Variants in CFAP299 observed in about 807,000 individuals in gnomAD.
CFAP299 encodes the protein cilia and flagella associated protein 299.
A neutral mutation model predicts 27.0 loss-of-function variants in CFAP299; 21 were observed. The observed-to-expected ratio is 0.78, with a 90% CI of 0.55 to 1.12. The LOEUF (loss-of-function observed/expected upper bound fraction) is 1.12. Ranked by LOEUF, CFAP299 falls within the 50% of genes most tolerant of loss-of-function variation. The pLI, the probability that CFAP299 is intolerant of heterozygous loss-of-function variation, is 0.00. For missense variants in CFAP299, 310 were observed against 276.6 expected (o/e 1.12, Z -0.86); for synonymous variants, 104 against 98.1 (o/e 1.06, Z -0.36).
At chr4:80,570,915 C>A (rs541158323) in intron 2 of CFAP299, among the ~76,000 whole-genome samples, 1 of 152,078 alleles carries the variant, frequency 6.6e-6, no homozygotes, top group African/African-American at 2.4e-5. Flanking sequence ...GTGGAACATA[C>A]TAAAGAAATA....
rs180700230 is a variant in CFAP299, at chr4:80,592,282, T to C, written c.333+9099T>C. ...ACATAACTGAGGAAGCATTTACAGA[T>C]TGTTCTGGATTTGTATATGTGCAAT... On this transcript the variant is annotated intron_variant, in intron 3 of 5. Transcript: ENST00000358105. Among the ~76,000 whole-genome samples, 12 of 152,232 alleles carry C rather than the reference T, an allele frequency of 7.9e-5. No homozygotes were observed. The East Asian group carries it at 1.7e-3, about 22-fold the overall frequency.
intron 3 of CFAP299, among the ~76,000 whole-genome samples, chr4:80,832,622 T>G (rs1429621463): frequency 6.6e-6 from 1 of 152,118 alleles, no homozygotes; most frequent in African/African-American, 2.4e-5. Context: ...TATTTAAGGT[T>G]GGTTATTTTA....
At chr4:80,537,530 G>A (rs905202896) in intron 2 of CFAP299, among the ~76,000 whole-genome samples, 1 of 152,108 alleles carries the variant, frequency 6.6e-6, no homozygotes, top group African/African-American at 2.4e-5. Context: ...CCTATCATTT[G>A]CAACAACACG....
At chr4:80,738,496 T>C (rs1314149097) in intron 3 of CFAP299, among the ~76,000 whole-genome samples, 1 of 152,086 alleles carries the variant, frequency 6.6e-6, no homozygotes, top group East Asian at 1.9e-4. Flanking sequence ...CTTCTTTGTC[T>C]CCTCTTATAG....
chr4:80,706,197 A>G (rs913261821), intron 3 of CFAP299, among the ~76,000 whole-genome samples: 1 of 151,658 alleles, frequency 6.6e-6, no homozygotes, highest in Non-Finnish European at 1.5e-5. Context: ...AAGTATACCT[A>G]CTTGCTTATA....
intron 2 of CFAP299, among the ~76,000 whole-genome samples, chr4:80,413,116 G>A (rs556356252): frequency 6.7e-6 from 1 of 149,058 alleles, no homozygotes; most frequent in East Asian, 2.0e-4. Context: ...GTATCCCAAA[G>A]CCACCTGTGC....
chr4:80,735,614 A>G (rs1172793621), intron 3 of CFAP299, among the ~76,000 whole-genome samples: 1 of 152,094 alleles, frequency 6.6e-6, no homozygotes, highest in Non-Finnish European at 1.5e-5. Context: ...TGTTCCTTCT[A>G]TATCCAGTTT....
chr4:80,570,132 T>C (rs1024418235), intron 2 of CFAP299, among the ~76,000 whole-genome samples: 1 of 152,058 alleles, frequency 6.6e-6, no homozygotes, highest in Admixed American at 6.6e-5. Context: ...TCTATGTATA[T>C]ATAAATATTT....
At position 80,775,475 on chromosome 4, in the gene CFAP299, A is replaced by G. The variant is rs1014553797; in HGVS notation, c.334-94518A>G. On this transcript the variant is annotated intron_variant, in intron 3 of 5. Coordinates refer to ENST00000358105, the MANE Select transcript of CFAP299 (RefSeq NM_152770.3). The stretch of plus-strand genomic sequence containing the variant: ...AGGTCTCTTCTATCTGTAATACACC[A>G]TATTTATTTTCTTGCTGTTTGGTTG... Among the ~76,000 whole-genome samples the G allele has an allele frequency of 3.3e-5, 5 of 152,034 alleles. No individual in the cohort carries two copies. In the East Asian group the frequency reaches 5.8e-4, roughly 18 times the overall value.
At position 80,908,375 on chromosome 4, in the gene CFAP299, T is replaced by G. The variant is rs556865571; in HGVS notation, c.477-36435T>G. On this transcript the variant is annotated intron_variant, in intron 4 of 5. Transcript: ENST00000358105. ...ATTGGATGTCCCACAGAGTTTAAAC[T>G]TTAAACATATTTTCTTCTTACTTTG... 2.0e-5 allele frequency among the ~76,000 whole-genome samples: 3 copies of G among 152,344 alleles called. No homozygotes were observed. In the East Asian group the frequency reaches 5.8e-4, roughly 29 times the overall value.
intron 3 of CFAP299, among the ~76,000 whole-genome samples, chr4:80,683,082 T>A (rs1338446095): frequency 2.0e-5 from 3 of 152,190 alleles, no homozygotes; most frequent in African/African-American, 7.2e-5. Flanking sequence ...TTCTTTCTGC[T>A]TTTCTTCTAT....
rs374799427 is a variant in CFAP299, at chr4:80,402,705, G to A, written c.242+39821G>A. Among the ~76,000 whole-genome samples, 125 of 152,280 alleles carry A rather than the reference G, an allele frequency of 8.2e-4. 3 individuals carry two copies. The South Asian group carries it at 0.025, about 31-fold the overall frequency. On this transcript the variant is annotated intron_variant, in intron 2 of 5. Coordinates refer to ENST00000358105, the MANE Select transcript of CFAP299 (RefSeq NM_152770.3). ...GTAGGATGAAGACTCTAGCTTTCTGGTATCAGAGCAAACTGCTCTGGATTT... is the reference window on the plus strand; with the variant it reads ...GTAGGATGAAGACTCTAGCTTTCTGATATCAGAGCAAACTGCTCTGGATTT...
intron 1 of CFAP299, among the ~76,000 whole-genome samples, chr4:80,343,284 A>G (rs1044889036): frequency 6.6e-6 from 1 of 152,316 alleles, no homozygotes; most frequent in South Asian, 2.1e-4. Flanking sequence ...GAAAATTAAC[A>G]AAGATATTCA....
At chr4:80,494,278 A>G (rs1731317613) in intron 2 of CFAP299, among the ~76,000 whole-genome samples, 1 of 152,206 alleles carries the variant, frequency 6.6e-6, no homozygotes, top group East Asian at 1.9e-4. Context: ...TCTTCCCATT[A>G]TCCTCACTAT....
chr4:80,724,210 TG>T (rs1434152628), intron 3 of CFAP299, among the ~76,000 whole-genome samples: 1 of 151,812 alleles, frequency 6.6e-6, no homozygotes, highest in Non-Finnish European at 1.5e-5. Context: ...AAATTTGGGG[TG>T]GGGGAAATAA....
intron 3 of CFAP299, chr4:80,608,222 T>A (rs1184383300): frequency 3.1e-6 from 2 of 637,992 alleles, no homozygotes; most frequent in Non-Finnish European, 5.3e-6. Flanking sequence ...AGGAAATAGA[T>A]AACTGATTCC....
At chr4:80,476,368 T>TAG (rs1336407729) in intron 2 of CFAP299, among the ~76,000 whole-genome samples, 6 of 152,154 alleles carry the variant, frequency 3.9e-5, no homozygotes, top group African/African-American at 1.4e-4. Flanking sequence ...ACTGGATGGC[T>TAG]AGAGATTATA....
At chr4:80,576,194 A>AT in intron 2 of CFAP299, among the ~76,000 whole-genome samples, 1 of 44,324 alleles carries the variant, frequency 2.3e-5, no homozygotes, top group African/African-American at 7.1e-5. Context: ...TAATAAAAAA[A>AT]AAAATATATA....
chr4:80,558,499 T>C (rs1400573178), intron 2 of CFAP299, among the ~76,000 whole-genome samples: 4 of 152,014 alleles, frequency 2.6e-5, no homozygotes, highest in Admixed American at 6.6e-5. Context: ...GCTTAGGAAT[T>C]CCAGAGGTCA....
Sources: gnomAD v4.1 joint callset for allele counts (sites outside exome capture counted in the v4.1 genomes callset) on GRCh38, gnomAD v4.1.1 for gene constraint, MANE v1.5 for transcripts, NCBI Gene and HGNC (gene_info 2026-07-23, HGNC 2026-07-21) for gene names.